Variants in SENP2 observed in about 807,000 individuals in gnomAD.
The protein encoded by SENP2 is SUMO specific peptidase 2.
Under a neutral mutation model 86.3 loss-of-function variants are expected in SENP2, and 16 were observed. That is an observed-to-expected ratio of 0.19 (90% confidence interval 0.13 to 0.28). SENP2 has a LOEUF of 0.28. Among genes scored for constraint, SENP2 ranks in the 10% least tolerant of loss-of-function variants. The probability of loss-of-function intolerance (pLI) is 1.00; values close to 1 mark genes in which losing one functional copy is unlikely to be tolerated. For missense variants in SENP2, 552 were observed against 703.0 expected, an observed-to-expected ratio of 0.79 and a Z score of 2.43; for synonymous variants, 222 against 238.7, an observed-to-expected ratio of 0.93 and a Z score of 0.64.
intron 11 of SENP2, among the ~76,000 whole-genome samples, chr3:185,615,563 C>T (rs546572095): frequency 6.6e-6 from 1 of 152,106 alleles, no homozygotes; most frequent in South Asian, 2.1e-4. Context: ...AGGCTGGTCT[C>T]GAACTCCTGA....
chr3:185,599,323 G>T (rs562504076), intron 4 of SENP2, among the ~76,000 whole-genome samples: 1 of 151,960 alleles, frequency 6.6e-6, no homozygotes, highest in African/African-American at 2.4e-5. Context: ...ACTCTGTGCC[G>T]GGTGCTGTGC....
chr3:185,624,547 G>C (rs1712050960), intron 15 of SENP2, among the ~76,000 whole-genome samples: 2 of 152,036 alleles, frequency 1.3e-5, no homozygotes, highest in Admixed American at 6.6e-5. Context: ...TAAGTCTTAG[G>C]ATCCCATGCC....
At chr3:185,594,324 G>C (rs1474329115) in intron 2 of SENP2, among the ~76,000 whole-genome samples, 1 of 152,124 alleles carries the variant, frequency 6.6e-6, no homozygotes, top group East Asian at 1.9e-4. Flanking sequence ...ATTGTAGAAG[G>C]GAATCTAAAC....
At chr3:185,600,211 T>C (rs1425604503) in intron 4 of SENP2, among the ~76,000 whole-genome samples, 1 of 152,216 alleles carries the variant, frequency 6.6e-6, no homozygotes, top group Non-Finnish European at 1.5e-5. Flanking sequence ...GATTGACACA[T>C]ATGAAGGATG....
intron 16 of SENP2, among the ~76,000 whole-genome samples, chr3:185,626,729 C>T (rs1409070194): frequency 1.3e-5 from 2 of 149,430 alleles, no homozygotes; most frequent in African/African-American, 2.5e-5. Flanking sequence ...GCCGAGGTCG[C>T]ACCAGTGCAC....
chr3:185,602,832 T>TAAAAA lies in SENP2; in HGVS notation c.449+1998_449+2002dup, dbSNP rs1156317272. Among the ~76,000 whole-genome samples, 86 of 63,046 alleles carry TAAAAA rather than the reference T, an allele frequency of 1.4e-3. 1 individual carries two copies. The highest frequency in any genetic ancestry group is 5.6e-3 in the African/African-American group (83 of 14,808). The allele number at this position is 63,046 out of a possible 152,430, so 41.4% of individuals were successfully genotyped here. On this transcript the variant is annotated intron_variant, in intron 5 of 16. Transcript: ENST00000296257. Reference sequence around the variant, plus strand: ...TGGGTGACAGAGTGAGACTCTGTCTTAAAAAAAAAAAAAAAAAAAAAAAAA... The same window carrying TAAAAA: ...TGGGTGACAGAGTGAGACTCTGTCTTAAAAAAAAAAAAAAAAAAAAAAAAAAAAAA...
chr3:185,602,605 A>G (rs1032283693), intron 5 of SENP2, among the ~76,000 whole-genome samples: 4 of 152,070 alleles, frequency 2.6e-5, no homozygotes, highest in African/African-American at 4.8e-5. Context: ...GGAATCATCA[A>G]TTGAGCCAAA....
At chr3:185,603,523 A>G (rs1399231789) in intron 5 of SENP2, among the ~76,000 whole-genome samples, 1 of 152,226 alleles carries the variant, frequency 6.6e-6, no homozygotes, top group Non-Finnish European at 1.5e-5. Context: ...ATACCTGGTA[A>G]CTAAATGCAT....
intron 7 of SENP2, 100 bp from the exon 8 acceptor site, chr3:185,611,551 A>G: frequency 1.5e-6 from 1 of 668,660 alleles, no homozygotes; most frequent in South Asian, 1.8e-5. Context: ...TAGTGTAATC[A>G]ATCACCCCTA....
intron 14 of SENP2, among the ~76,000 whole-genome samples, chr3:185,623,244 A>T (rs769790930): frequency 4.6e-5 from 7 of 151,534 alleles, no homozygotes; most frequent in East Asian, 1.9e-4. Context: ...CGGGTTCAAG[A>T]GATTCTCCTG....
intron 1 of SENP2, among the ~76,000 whole-genome samples, chr3:185,587,636 G>A (rs765438786): frequency 2.8e-5 from 4 of 145,342 alleles, no homozygotes; most frequent in African/African-American, 5.2e-5. Flanking sequence ...GCGCAATCTC[G>A]GCTCACTGCA....
chr3:185,625,582 AGT>A (rs1231781443), intron 15 of SENP2, among the ~76,000 whole-genome samples: 1 of 152,134 alleles, frequency 6.6e-6, no homozygotes, highest in Non-Finnish European at 1.5e-5. Flanking sequence ...GTGTGAGCTC[AGT>A]GGGGTTAGAA....
At chr3:185,614,454 T>A (rs1711525309) in intron 10 of SENP2, 110 bp from the exon 11 acceptor site, 2 of 1,067,364 alleles carry the variant, frequency 1.9e-6, no homozygotes, top group South Asian at 3.3e-5. Flanking sequence ...GGGGATTTGC[T>A]AATTCTCTTT....
intron 9 of SENP2, among the ~76,000 whole-genome samples, chr3:185,612,878 T>G (rs963997791): frequency 2.0e-5 from 3 of 152,210 alleles, no homozygotes; most frequent in African/African-American, 7.2e-5. Context: ...CGTCAGGGGT[T>G]GGGAGAAACA....
At chr3:185,598,820 C>CT (rs1200823828) in intron 3 of SENP2, 138 bp from the exon 4 acceptor site, 3 of 694,332 alleles carry the variant, frequency 4.3e-6, no homozygotes, top group Non-Finnish European at 7.3e-6. Flanking sequence ...TTTTGTGAGT[C>CT]TTGACAAGTT....
chr3:185,600,718 T>A lies in SENP2; in HGVS notation c.359-47T>A, dbSNP rs749956287. On this transcript the variant is annotated intron_variant, in intron 4 of 16. Transcript: ENST00000296257. ...TTTTTCTTTCCTTATGCAGACTGTT[T>A]GCAAGTGATTTTTCATTTTACAATT... 38 of 1,270,094 alleles carry A rather than the reference T, an allele frequency of 3.0e-5. 2 individuals carry two copies. Among genetic ancestry groups the A allele is most frequent in the South Asian group, 2.9e-4 (24 of 82,404 alleles). 78.7% of individuals were successfully genotyped at this position (1,270,094 alleles called of 1,614,324 possible).
Position 185,606,001 on chromosome 3 carries a change from C to A in SENP2, c.450-329C>A, listed in dbSNP as rs1722497522. On this transcript the variant is annotated intron_variant, in intron 5 of 16. Transcript: ENST00000296257. The stretch of plus-strand genomic sequence containing the variant: ...TACCAGTAATGAATTTCAGTGGTTC[C>A]AGGTGACTAAAGGAAAAATGCAGTA... 3.3e-5 allele frequency among the ~76,000 whole-genome samples: 5 copies of A among 152,156 alleles called. No individual in the cohort carries two copies. In the South Asian group the frequency reaches 1.0e-3, roughly 32 times the overall value.
chr3:185,592,138 G>C (rs539401641), intron 2 of SENP2, among the ~76,000 whole-genome samples: 1 of 148,944 alleles, frequency 6.7e-6, no homozygotes, highest in South Asian at 2.1e-4. Context: ...CAGTGCAGTG[G>C]CACGATCGTA....
At chr3:185,623,056 A>C (rs1352568717) in intron 14 of SENP2, among the ~76,000 whole-genome samples, 1 of 151,976 alleles carries the variant, frequency 6.6e-6, no homozygotes, top group Admixed American at 6.6e-5. Context: ...ACCTCAGGTG[A>C]TCCGCCCGCC....
Sources: allele counts gnomAD v4.1 joint callset (sites outside exome capture counted in the v4.1 genomes callset), GRCh38; gene constraint gnomAD v4.1.1; transcripts MANE v1.5; gene names NCBI Gene and HGNC (gene_info 2026-07-23, HGNC 2026-07-21).